The following SPECC1L variants were observed in gnomAD, a reference collection of about 807,000 sequenced individuals.
The protein encoded by SPECC1L is sperm antigen with calponin homology and coiled-coil domains 1 like, also known as cytospin-A.
In SPECC1L, 40 loss-of-function variants were observed where a neutral mutation model predicts 116.8. That is an observed-to-expected ratio of 0.34 (90% CI 0.27 to 0.45). SPECC1L has a LOEUF of 0.45. Ranked by LOEUF, SPECC1L falls within the 20% of genes least tolerant of loss-of-function variation. The pLI is 1.00. For missense variants in SPECC1L, 1,110 were observed against 1,373.6 expected (o/e 0.81, Z 3.03); for synonymous variants, 504 against 500.6 (o/e 1.01, Z -0.09).
At chr22:24,315,527 T>C (rs2040544429) in intron 4 of SPECC1L, among the ~76,000 whole-genome samples, 1 of 152,262 alleles carries the variant, frequency 6.6e-6, no homozygotes, top group Non-Finnish European at 1.5e-5. Context: ...CATTGTAGCT[T>C]ATGTGGTAGG....
intron 2 of SPECC1L, among the ~76,000 whole-genome samples, chr22:24,286,405 CTT>C (rs1228160864): frequency 6.6e-6 from 1 of 152,170 alleles, no homozygotes; most frequent in Non-Finnish European, 1.5e-5. Context: ...TGTAATTACA[CTT>C]TATTGCTTGA....
At position 24,322,415 on chromosome 22, in the gene SPECC1L, A is replaced by G; in HGVS notation, c.1435A>G (p.Ile479Val). The G allele has an allele frequency of 6.2e-7, 1 of 1,614,218 alleles. No homozygotes were observed. The highest frequency in any genetic ancestry group is 8.5e-7 in the Non-Finnish European group (1 of 1,180,042). Residue 479 changes from isoleucine (I) to valine (V), a missense_variant, in exon 5 of 17, where the codon ATA becomes GTA. Physicochemically the swap from Ile to Val is conservative, Grantham distance 29 (BLOSUM62 3). Transcript: ENST00000314328. ...AGATGAGCATCACATTTCTTATGTCATAGATGAAGATGTAAAAAGTGGGCG... is the reference window on the plus strand; with the variant it reads ...AGATGAGCATCACATTTCTTATGTCGTAGATGAAGATGTAAAAAGTGGGCG... ...LLDEHHISYV[I>V]DEDVKSGRYM...
chr22:24,340,981 C>T (rs949140764), intron 10 of SPECC1L, among the ~76,000 whole-genome samples: 6 of 152,156 alleles, frequency 3.9e-5, no homozygotes, highest in African/African-American at 1.4e-4. Context: ...TTGTACGTAA[C>T]TGTGATCCCT....
chr22:24,317,670 C>A (rs186533259), intron 4 of SPECC1L, among the ~76,000 whole-genome samples: 1 of 151,738 alleles, frequency 6.6e-6, no homozygotes, highest in Non-Finnish European at 1.5e-5. Flanking sequence ...CTGACCCCCC[C>A]ATCTCCCTCC....
rs1187569894 is a variant in SPECC1L at position 24,365,527 on chromosome 22, G to C, written c.2879G>C (p.Gly960Ala). 6.2e-7 allele frequency: 1 copy of C among 1,614,128 alleles called. No individual in the cohort carries two copies. The highest frequency in any genetic ancestry group is 1.7e-5 in the Admixed American group (1 of 60,024). The stretch of plus-strand genomic sequence containing the variant: ...AAACGGGACATTTCTGCACAGGAGG[G>C]AGCGTCGCCAGCCTCTCTGATGGCT... ...EVKRDISAQEGASPASLMAMG... is the reference protein window; with the variant it reads ...EVKRDISAQEAASPASLMAMG... Residue 960 changes from glycine to alanine, a missense_variant, in exon 13 of 17, where the codon GGA becomes GCA. Physicochemically the swap from Gly to Ala is moderately conservative, Grantham distance 60. This residue lies in a region of SPECC1L where 575 missense variants were observed against 682.4 expected (regional missense o/e 0.84). Coordinates refer to ENST00000314328, the MANE Select transcript of SPECC1L (RefSeq NM_015330.6).
At chr22:24,293,805 G>T (rs879997838) in intron 2 of SPECC1L, among the ~76,000 whole-genome samples, 2 of 124,164 alleles carry the variant, frequency 1.6e-5, no homozygotes, top group Admixed American at 8.8e-5. Flanking sequence ...TTAGGGAATC[G>T]CCATGGTGGT....
At chr22:24,404,227 G>A (rs948565137) in intron 14 of SPECC1L, among the ~76,000 whole-genome samples, 1 of 152,194 alleles carries the variant, frequency 6.6e-6, no homozygotes, top group Non-Finnish European at 1.5e-5. Flanking sequence ...CTGAGGGGCT[G>A]GATCCGAGGC....
In SPECC1L at chr22:24,333,886, A is replaced by C. The variant is rs150034391; in HGVS notation, c.2397-524A>C. Among the ~76,000 whole-genome samples, 14 of 152,178 alleles carry C rather than the reference A, an allele frequency of 9.2e-5. No homozygotes were observed. In the East Asian group the frequency reaches 2.5e-3, roughly 27 times the overall value. ...ATGGAATTTGATGGTTGCTTAACTT[A>C]CTTAGGATAACCTGATATAAAAATT... On this transcript the variant is annotated intron_variant, in intron 8 of 16. Transcript: ENST00000314328.
chr22:24,292,875 T>C (rs147076637), intron 2 of SPECC1L, among the ~76,000 whole-genome samples: 1,643 of 152,304 alleles, frequency 0.011, 27 homozygotes, highest in African/African-American at 0.036. Context: ...AAAGTCAGAA[T>C]TTAAAAGTAT....
chr22:24,338,533 C>G, intron 10 of SPECC1L, 56 bp downstream of exon 10: 1 of 1,500,588 alleles, frequency 6.7e-7, no homozygotes, highest in South Asian at 1.1e-5. Context: ...AAAGTTGAGG[C>G]CTTTTCTTCA....
chr22:24,359,882 A>G (rs7289364), intron 11 of SPECC1L, among the ~76,000 whole-genome samples: 61,613 of 151,958 alleles, frequency 0.41, 13,721 homozygotes, highest in Admixed American at 0.53. Context: ...ACCAGGTCAC[A>G]TTGCCTGCTG....
chr22:24,287,555 TA>T (rs1052760546), intron 2 of SPECC1L, among the ~76,000 whole-genome samples: 4 of 152,122 alleles, frequency 2.6e-5, no homozygotes, highest in Non-Finnish European at 5.9e-5. Flanking sequence ...CTTGACCGTT[TA>T]AAAATGTCTC....
At chr22:24,320,128 T>C (rs1016828636) in intron 4 of SPECC1L, among the ~76,000 whole-genome samples, 3 of 152,006 alleles carry the variant, frequency 2.0e-5, no homozygotes, top group East Asian at 1.9e-4. Context: ...ACAAAAAAAT[T>C]AGCCAGGCAT....
intron 14 of SPECC1L, among the ~76,000 whole-genome samples, chr22:24,410,924 C>G (rs139004487): frequency 6.6e-6 from 1 of 152,256 alleles, no homozygotes; most frequent in Admixed American, 6.5e-5. Flanking sequence ...TGCGGTGGCT[C>G]ACACCTATAA....
At chr22:24,281,091 A>G (rs2048934487) in intron 2 of SPECC1L, among the ~76,000 whole-genome samples, 2 of 152,216 alleles carry the variant, frequency 1.3e-5, no homozygotes, top group African/African-American at 2.4e-5. Flanking sequence ...GGTAGTATGT[A>G]AGAGGAAACC....
chr22:24,413,782 C>T (rs1023932589), intron 16 of SPECC1L, among the ~76,000 whole-genome samples: 6 of 152,128 alleles, frequency 3.9e-5, no homozygotes, highest in African/African-American at 1.4e-4. Context: ...GGCAGGTTTT[C>T]GTTTTCTGCA....
intron 14 of SPECC1L, among the ~76,000 whole-genome samples, chr22:24,374,411 G>A (rs943628616): frequency 1.5e-4 from 23 of 151,920 alleles, no homozygotes; most frequent in African/African-American, 5.1e-4. Flanking sequence ...AGAAAATGTG[G>A]CACATATACA....
chr22:24,289,551 G>A (rs552637267), intron 2 of SPECC1L, among the ~76,000 whole-genome samples: 3 of 152,096 alleles, frequency 2.0e-5, no homozygotes, highest in Non-Finnish European at 4.4e-5. Flanking sequence ...GCTTCTAATC[G>A]TTTCTAATTA....
intron 11 of SPECC1L, among the ~76,000 whole-genome samples, chr22:24,352,477 C>G (rs548290418): frequency 7.2e-5 from 11 of 152,234 alleles, no homozygotes; most frequent in African/African-American, 2.4e-4. Flanking sequence ...ACCATTATTA[C>G]CTGTCTAAAT....
Sources: allele counts gnomAD v4.1 joint callset (sites outside exome capture counted in the v4.1 genomes callset), GRCh38; gene constraint gnomAD v4.1.1; regional missense constraint gnomAD v4.1.1; transcripts MANE v1.5; gene names NCBI Gene and HGNC (gene_info 2026-07-23, HGNC 2026-07-21).